The following TNPO1 variants were observed in gnomAD, a reference collection of about 807,000 sequenced individuals.
TNPO1 encodes transportin 1.
A neutral mutation model predicts 119.5 loss-of-function variants in TNPO1; 8 were observed. The observed-to-expected ratio is 0.07, with a 90% CI of 0.04 to 0.12. The LOEUF (loss-of-function observed/expected upper bound fraction) is 0.12, where lower values mean the gene tolerates loss of function less well. TNPO1 is among the 10% of genes least tolerant of loss of function. The pLI is 1.00. For missense variants in TNPO1, 576 were observed against 1,089.8 expected (o/e 0.53, Z 6.64); for synonymous variants, 362 against 363.0 (o/e 1.00, Z 0.03).
At chr5:72,906,532 C>T (rs1750182683) in intron 24 of TNPO1, among the ~76,000 whole-genome samples, 1 of 151,976 alleles carries the variant, frequency 6.6e-6, no homozygotes, top group South Asian at 2.1e-4. Flanking sequence ...CCTTGTGATG[C>T]ACCCACCTCG....
intron 18 of TNPO1, among the ~76,000 whole-genome samples, chr5:72,894,440 G>T (rs1475490843): frequency 5.9e-5 from 9 of 152,228 alleles, no homozygotes; most frequent in Admixed American, 5.9e-4. Flanking sequence ...GGAAGGCCAA[G>T]GCGGGCAGGT....
At chr5:72,898,034 A>G (rs1000157424) in intron 20 of TNPO1, among the ~76,000 whole-genome samples, 1 of 152,156 alleles carries the variant, frequency 6.6e-6, no homozygotes, top group Non-Finnish European at 1.5e-5. Flanking sequence ...TCTTTTAATT[A>G]TGAAGCAGTT....
At chr5:72,826,410 A>G (rs1422218934) in intron 1 of TNPO1, among the ~76,000 whole-genome samples, 1 of 152,170 alleles carries the variant, frequency 6.6e-6, no homozygotes, top group African/African-American at 2.4e-5. Flanking sequence ...TGCAAAGCCT[A>G]AAATATTTAC....
chr5:72,836,503 A>G (rs1744699860), intron 1 of TNPO1, among the ~76,000 whole-genome samples: 1 of 152,182 alleles, frequency 6.6e-6, no homozygotes. Flanking sequence ...CTTTGAAATC[A>G]TTCTGTTCCC....
intron 1 of TNPO1, among the ~76,000 whole-genome samples, chr5:72,835,739 CATTT>C (rs1744668414): frequency 6.6e-6 from 1 of 152,172 alleles, no homozygotes; most frequent in Admixed American, 6.5e-5. Flanking sequence ...TGTCAAAATA[CATTT>C]ATTCTATCCC....
At chr5:72,902,782 A>G (rs1335553878) in intron 22 of TNPO1, among the ~76,000 whole-genome samples, 1 of 152,094 alleles carries the variant, frequency 6.6e-6, no homozygotes, top group Non-Finnish European at 1.5e-5. Flanking sequence ...TCATAGGTTT[A>G]TTTACATTTA....
intron 10 of TNPO1, 51 bp from the exon 11 acceptor site, chr5:72,883,013 C>G (rs1352147095): frequency 1.6e-6 from 2 of 1,278,322 alleles, no homozygotes; most frequent in Non-Finnish European, 2.3e-6. Flanking sequence ...CATGTACATA[C>G]TATTAGCCTA....
Position 72,888,294 on chromosome 5 carries a change from C to G in TNPO1, c.1520C>G (p.Ala507Gly). The G allele has an allele frequency of 6.2e-7, 1 of 1,613,862 alleles. No homozygotes were observed. The change falls in exon 13 of 25, where the codon GCT becomes GGT. Residue 507 changes from alanine to glycine, a missense_variant. Transcript: ENST00000337273. ...ILDSNKRVQEAACSAFATLEE... is the reference protein window; with the variant it reads ...ILDSNKRVQEGACSAFATLEE... ...GACAGCAACAAGAGAGTACAAGAAG[C>G]TGCCTGCAGGTGGGACAGATTCATA... is the stretch of plus-strand genomic sequence containing the variant.
At position 72,901,041 on chromosome 5, in the gene TNPO1, A is replaced by G; in HGVS notation, c.2482A>G (p.Met828Val). ...KDSAFRGICT[M>V]ISVNPSGVIQ... ...TTCAGCATTCCGTGGAATTTGTACC[A>G]TGATCAGTGTGAATCCCAGTGGCGT... Residue 828 changes from methionine (M) to valine (V), a missense_variant, in exon 22 of 25, where the codon ATG (methionine) becomes GTG (valine). Met to Val is a conservative substitution (Grantham distance 21, BLOSUM62 1). Transcript: ENST00000337273. 6.2e-7 allele frequency: 1 copy of G among 1,611,638 alleles called. No individual in the cohort carries two copies. The highest frequency in any genetic ancestry group is 1.1e-5 in the South Asian group (1 of 90,704).
At chr5:72,857,501 TTACTC>T (rs1164273587) in intron 4 of TNPO1, among the ~76,000 whole-genome samples, 3 of 152,202 alleles carry the variant, frequency 2.0e-5, no homozygotes, top group Non-Finnish European at 2.9e-5. Flanking sequence ...ACTCCCTAGA[TTACTC>T]TAATGTACTC....
At chr5:72,877,447 T>A in intron 9 of TNPO1, 101 bp downstream of exon 9, 1 of 639,332 alleles carries the variant, frequency 1.6e-6, no homozygotes, top group Non-Finnish European at 2.6e-6. Context: ...CATCAGGGAG[T>A]GAGATTCTAA....
chr5:72,910,445 A>C lies in TNPO1; in HGVS notation c.*1772A>C, dbSNP rs1750487140. On this transcript the variant is annotated 3_prime_UTR_variant, in exon 25 of 25. Coordinates refer to ENST00000337273, the MANE Select transcript of TNPO1 (RefSeq NM_002270.4). ...CTTTATTAATTTGGATTGCCTGAAC[A>C]GTGTATCCCATGATGATGAAGGAAA... The C allele has an allele frequency of 6.6e-6, 1 of 152,600 alleles. No individual in the cohort carries two copies. Among genetic ancestry groups the C allele is most frequent in the African/African-American group, 2.4e-5 (1 of 41,456 alleles). The allele number at this position is 152,600 out of a possible 1,614,324, so 9.5% of individuals were successfully genotyped here.
intron 1 of TNPO1, among the ~76,000 whole-genome samples, chr5:72,830,257 C>T (rs533908700): frequency 6.6e-6 from 1 of 152,156 alleles, no homozygotes; most frequent in South Asian, 2.1e-4. Context: ...ATTTGTAAAG[C>T]AGAATATACA....
intron 1 of TNPO1, 112 bp from the exon 2 acceptor site, chr5:72,848,273 C>G: frequency 7.5e-7 from 1 of 1,327,568 alleles, no homozygotes; most frequent in East Asian, 3.1e-5. Flanking sequence ...TTGGGGAGCG[C>G]TGGGGTTGTG....
At chr5:72,855,287 A>G (rs1321044671) in intron 3 of TNPO1, among the ~76,000 whole-genome samples, 1 of 151,650 alleles carries the variant, frequency 6.6e-6, no homozygotes, top group East Asian at 1.9e-4. Flanking sequence ...AAAAAAAACC[A>G]GCAACAAAAT....
intron 1 of TNPO1, chr5:72,825,682 GTC>G (rs1744181209): frequency 6.6e-6 from 1 of 152,332 alleles, no homozygotes; most frequent in South Asian, 2.1e-4. Flanking sequence ...GTGAGACTCT[GTC>G]TCAAAACAAA....
intron 4 of TNPO1, among the ~76,000 whole-genome samples, chr5:72,856,295 A>ATGTG (rs1745993397): frequency 6.6e-6 from 1 of 152,012 alleles, no homozygotes; most frequent in Non-Finnish European, 1.5e-5. Flanking sequence ...ACAGTGGCAC[A>ATGTG]ATCTTGACTC....
At chr5:72,868,218 G>A (rs983173272) in intron 6 of TNPO1, among the ~76,000 whole-genome samples, 5 of 151,886 alleles carry the variant, frequency 3.3e-5, no homozygotes, top group African/African-American at 1.2e-4. Flanking sequence ...GGATCACGAG[G>A]TCAGGAGATC....
chr5:72,855,863 A>G lies in TNPO1; in HGVS notation c.295A>G (p.Ile99Val). The G allele has an allele frequency of 6.2e-7, 1 of 1,613,444 alleles. No homozygotes were observed. Among genetic ancestry groups the G allele is most frequent in the South Asian group, 1.1e-5 (1 of 91,052 alleles). The change falls in exon 4 of 25, where the codon ATT (isoleucine) becomes GTT (valine). Residue 99 changes from isoleucine (I) to valine (V), a missense_variant. Physicochemically the swap from Ile to Val is conservative, Grantham distance 29 (BLOSUM62 3). Coordinates refer to ENST00000337273, the MANE Select transcript of TNPO1 (RefSeq NM_002270.4). ...QNFPNGVTDFIKSECLNNIGD... is the reference protein window; with the variant it reads ...QNFPNGVTDFVKSECLNNIGD... ...CTTCCCAAATGGTGTAACAGACTTT[A>G]TTAAAAGTGAATGTTTAAATAATAT... is the stretch of plus-strand genomic sequence containing the variant.
Sources: gnomAD v4.1 joint callset for allele counts (sites outside exome capture counted in the v4.1 genomes callset) on GRCh38, gnomAD v4.1.1 for gene constraint, MANE v1.5 for transcripts, NCBI Gene and HGNC (gene_info 2026-07-23, HGNC 2026-07-21) for gene names.